Variants in EFNA5 observed in about 807,000 individuals in gnomAD.
EFNA5 encodes ephrin-A5.
A neutral mutation model predicts 22.9 loss-of-function variants in EFNA5; 5 were observed. The observed-to-expected ratio is 0.22, with a 90% CI of 0.11 to 0.46. EFNA5 has a LOEUF of 0.46. Among genes scored for constraint, EFNA5 ranks in the 20% least tolerant of loss-of-function variants. The pLI is 0.99. For synonymous variants in EFNA5, 113 were observed against 112.2 expected, an observed-to-expected ratio of 1.01 and a Z score of -0.04; for missense variants, 237 against 293.3, an observed-to-expected ratio of 0.81 and a Z score of 1.40.
At chr5:107,505,408 T>C (rs1400591906) in intron 1 of EFNA5, among the ~76,000 whole-genome samples, 1 of 152,096 alleles carries the variant, frequency 6.6e-6, no homozygotes, top group African/African-American at 2.4e-5. Flanking sequence ...ATGCAACAAA[T>C]CTGCAAACAT....
At chr5:107,557,202 T>C (rs1038528860) in intron 1 of EFNA5, among the ~76,000 whole-genome samples, 1 of 152,188 alleles carries the variant, frequency 6.6e-6, no homozygotes, top group Non-Finnish European at 1.5e-5. Flanking sequence ...CATATTTGCC[T>C]TGGTCCCCAG....
At chr5:107,524,104 A>G (rs908065213) in intron 1 of EFNA5, among the ~76,000 whole-genome samples, 1 of 152,210 alleles carries the variant, frequency 6.6e-6, no homozygotes, top group African/African-American at 2.4e-5. Flanking sequence ...AACCAAAATG[A>G]TACTATTTAA....
At chr5:107,510,077 G>A (rs1224128974) in intron 1 of EFNA5, among the ~76,000 whole-genome samples, 1 of 152,162 alleles carries the variant, frequency 6.6e-6, no homozygotes, top group East Asian at 1.9e-4. Context: ...GAGATAGGAG[G>A]TCAACACAAG....
intron 4 of EFNA5, among the ~76,000 whole-genome samples, chr5:107,383,731 C>A (rs1164929703): frequency 6.6e-6 from 1 of 152,190 alleles, no homozygotes; most frequent in Non-Finnish European, 1.5e-5. Context: ...TTCATCACCA[C>A]CCTAGTCCCT....
intron 1 of EFNA5, among the ~76,000 whole-genome samples, chr5:107,448,881 A>AAAAT (rs1561390950): frequency 1.3e-5 from 2 of 151,256 alleles, no homozygotes; most frequent in Non-Finnish European, 1.5e-5. Flanking sequence ...AAAATAAAAT[A>AAAAT]AAAACAAAAA....
chr5:107,386,789 A>G (rs942620340), intron 4 of EFNA5, among the ~76,000 whole-genome samples: 2 of 152,228 alleles, frequency 1.3e-5, no homozygotes, highest in African/African-American at 4.8e-5. Context: ...AGTATGTTGA[A>G]TTAGTTTCTA....
At chr5:107,660,201 T>C (rs1220636921) in intron 1 of EFNA5, among the ~76,000 whole-genome samples, 3 of 144,608 alleles carry the variant, frequency 2.1e-5, no homozygotes, top group African/African-American at 5.1e-5. Flanking sequence ...TAATTATGGT[T>C]CTAGCAACCA....
intron 1 of EFNA5, among the ~76,000 whole-genome samples, chr5:107,579,441 G>A (rs1748994694): frequency 6.6e-6 from 1 of 152,002 alleles, no homozygotes; most frequent in Non-Finnish European, 1.5e-5. Flanking sequence ...GTCTGCTGCT[G>A]AAGTCTTTTC....
chr5:107,494,951 G>T (rs31721), intron 1 of EFNA5, among the ~76,000 whole-genome samples: 14,482 of 151,786 alleles, frequency 0.095, 823 homozygotes, highest in Middle Eastern at 0.16. Flanking sequence ...TAGCTAATCT[G>T]GTGGGGACAT....
chr5:107,387,746 T>C lies in EFNA5; in HGVS notation c.444A>G (p.Arg148=). Residue 148 remains arginine, a synonymous_variant, in exon 3 of 5, where the codon AGA becomes AGG. Transcript: ENST00000333274. ...AGACTTTGAGCTTTAGACAGGACCT[T>C]CTTCCATTATCTGGGATTGCAGAGG... ...YISSAIPDNG[R]RSCLKLKVFV... 6.2e-7 allele frequency: 1 copy of C among 1,613,134 alleles called. No homozygotes were observed. The highest frequency in any genetic ancestry group is 8.5e-7 in the Non-Finnish European group (1 of 1,179,392).
At chr5:107,419,201 G>T (rs781539876) in intron 2 of EFNA5, among the ~76,000 whole-genome samples, 2 of 152,164 alleles carry the variant, frequency 1.3e-5, no homozygotes, top group Non-Finnish European at 2.9e-5. Flanking sequence ...ACAATTAACA[G>T]AATAATTTCC....
intron 1 of EFNA5, among the ~76,000 whole-genome samples, chr5:107,547,710 AG>A (rs1748198185): frequency 6.7e-6 from 1 of 149,296 alleles, no homozygotes; most frequent in Non-Finnish European, 1.5e-5. Context: ...ATAAAAAAAA[AG>A]CATTTTTCTT....
chr5:107,379,260 T>C lies in EFNA5; in HGVS notation c.*1995A>G, dbSNP rs1000693570. 6.6e-6 allele frequency: 1 copy of C among 152,138 alleles called. No homozygotes were observed. The highest frequency in any genetic ancestry group is 1.5e-5 in the Non-Finnish European group (1 of 68,028). 9.4% of individuals were successfully genotyped at this position (152,138 alleles called of 1,614,324 possible). On this transcript the variant is annotated 3_prime_UTR_variant, in exon 5 of 5. Transcript: ENST00000333274. ...TCCAAATGGATCAGGTAAGCCCAGA[T>C]TACATTTCAACATGTGTACAACTCT... is the stretch of plus-strand genomic sequence containing the variant.
intron 2 of EFNA5, among the ~76,000 whole-genome samples, chr5:107,405,638 A>C (rs573817345): frequency 3.3e-4 from 50 of 152,252 alleles, no homozygotes; most frequent in African/African-American, 1.2e-3. Flanking sequence ...AGAAGCAAAA[A>C]GGATTCTGCT....
intron 1 of EFNA5, among the ~76,000 whole-genome samples, chr5:107,594,779 G>A (rs561723257): frequency 1.0e-3 from 156 of 152,202 alleles, no homozygotes; most frequent in Non-Finnish European, 1.9e-3. Flanking sequence ...GTTTTACCCC[G>A]TATGCACTGA....
chr5:107,512,316 G>A (rs1747388132), intron 1 of EFNA5, among the ~76,000 whole-genome samples: 1 of 151,962 alleles, frequency 6.6e-6, no homozygotes. Flanking sequence ...GCAATCGCCT[G>A]GGTATAAGCA....
At chr5:107,609,928 A>G (rs62355650) in intron 1 of EFNA5, among the ~76,000 whole-genome samples, 13 of 152,218 alleles carry the variant, frequency 8.5e-5, no homozygotes, top group Non-Finnish European at 1.5e-4. Context: ...GTGAAAAATT[A>G]TATTATCATT....
At chr5:107,503,777 A>G (rs1465541423) in intron 1 of EFNA5, among the ~76,000 whole-genome samples, 2 of 152,206 alleles carry the variant, frequency 1.3e-5, no homozygotes, top group Non-Finnish European at 2.9e-5. Context: ...AATATTTTTT[A>G]TTACTAAATT....
chr5:107,557,738 A>G lies in EFNA5; in HGVS notation c.125+112751T>C, dbSNP rs529205409. Among the ~76,000 whole-genome samples, 5 of 152,342 alleles carry G rather than the reference A, an allele frequency of 3.3e-5. 1 individual carries two copies. In the South Asian group the frequency reaches 1.0e-3, roughly 32 times the overall value. ...AAGTGACCTTTTTCAGAGTTCCTTT[A>G]GAGACAAAATAGCTTGTATATACAA... On this transcript the variant is annotated intron_variant, in intron 1 of 4. Transcript: ENST00000333274.
Sources: allele counts gnomAD v4.1 joint callset (sites outside exome capture counted in the v4.1 genomes callset), GRCh38; gene constraint gnomAD v4.1.1; transcripts MANE v1.5; gene names NCBI Gene and HGNC (gene_info 2026-07-23, HGNC 2026-07-21).